The following NAV2 variants were observed in gnomAD, a reference collection of about 807,000 sequenced individuals.
NAV2 encodes neuron navigator 2.
A neutral mutation model predicts 223.2 loss-of-function variants in NAV2; 54 were observed. The ratio of observed to expected loss-of-function variants is 0.24; its 90% CI spans 0.19 to 0.30. NAV2 has a LOEUF of 0.30. NAV2 is among the 10% of genes least tolerant of loss of function. The pLI is 1.00. For missense variants in NAV2, 2,806 were observed against 3,147.5 expected, an observed-to-expected ratio of 0.89 and a Z score of 2.60; for synonymous variants, 1,279 against 1,239.3, an observed-to-expected ratio of 1.03 and a Z score of -0.67.
rs2058863024 is a variant in NAV2 at position 19,812,094 on chromosome 11, G to A, written c.268-20390G>A. ...TTGAAAAAAGGCAATCTCAAGAGCAGACCAGAATTCAGTCCAGCAAGCAAC... is the reference window on the plus strand; with the variant it reads ...TTGAAAAAAGGCAATCTCAAGAGCAAACCAGAATTCAGTCCAGCAAGCAAC... On this transcript the variant is annotated intron_variant, in intron 1 of 37. Coordinates refer to ENST00000349880, the MANE Select transcript of NAV2 (RefSeq NM_145117.5). Among the ~76,000 whole-genome samples the A allele has an allele frequency of 2.0e-5, 3 of 152,118 alleles. 1 individual carries two copies. The South Asian group carries it at 6.2e-4, about 32-fold the overall frequency.
intron 1 of NAV2, among the ~76,000 whole-genome samples, chr11:19,582,007 C>G (rs1034752780): frequency 6.6e-6 from 1 of 152,218 alleles, no homozygotes. Flanking sequence ...CCTATTTCTC[C>G]ACATCCTCTC....
At chr11:19,418,578 T>C (rs1241052801) in intron 1 of NAV2, among the ~76,000 whole-genome samples, 1 of 152,102 alleles carries the variant, frequency 6.6e-6, no homozygotes, top group African/African-American at 2.4e-5. Context: ...TACCAGCATA[T>C]GATGGTAGGA....
At chr11:19,726,295 A>G (rs1010853184) in intron 1 of NAV2, among the ~76,000 whole-genome samples, 1 of 151,736 alleles carries the variant, frequency 6.6e-6, no homozygotes, top group Admixed American at 6.6e-5. Flanking sequence ...TGTAGTTTTC[A>G]CTCCCCTGTC....
At chr11:19,802,022 G>T (rs7943850) in intron 1 of NAV2, among the ~76,000 whole-genome samples, 63 of 152,262 alleles carry the variant, frequency 4.1e-4, no homozygotes, top group African/African-American at 1.1e-3. Context: ...CCAAAGCTTT[G>T]TTCTATGAAG....
chr11:20,044,413 A>C, intron 13 of NAV2, 141 bp downstream of exon 13: 1 of 757,326 alleles, frequency 1.3e-6, no homozygotes, highest in African/African-American at 1.7e-5. Context: ...AAACTTTCAC[A>C]TCCCTACCTT....
intron 10 of NAV2, among the ~76,000 whole-genome samples, chr11:19,949,917 G>T (rs142084279): frequency 1.2e-3 from 177 of 152,300 alleles, no homozygotes; most frequent in Non-Finnish European, 2.0e-3. Context: ...TTCTCTGTGT[G>T]CTCATATATG....
intron 1 of NAV2, among the ~76,000 whole-genome samples, chr11:19,477,192 A>G (rs2042144260): frequency 6.6e-6 from 1 of 152,222 alleles, no homozygotes; most frequent in Admixed American, 6.5e-5. Flanking sequence ...ACAGATAAGC[A>G]TTGATGAGGG....
At chr11:19,545,991 G>T (rs2044487317) in intron 1 of NAV2, among the ~76,000 whole-genome samples, 1 of 152,136 alleles carries the variant, frequency 6.6e-6, no homozygotes, top group Non-Finnish European at 1.5e-5. Context: ...AATGAAAGCA[G>T]AACTGTTCCA....
At chr11:19,360,628 G>T (rs1379375266) in intron 1 of NAV2, among the ~76,000 whole-genome samples, 18 of 152,212 alleles carry the variant, frequency 1.2e-4, no homozygotes, top group Admixed American at 1.2e-3. Context: ...GCGTCACATG[G>T]TATAAAACCT....
At chr11:20,045,853 T>C (rs2057373212) in intron 14 of NAV2, among the ~76,000 whole-genome samples, 183 bp downstream of exon 14, 1 of 152,248 alleles carries the variant, frequency 6.6e-6, no homozygotes, top group African/African-American at 2.4e-5. Context: ...GATGAAAAAC[T>C]TAGGCCTCTG....
At chr11:19,769,970 G>A (rs2055575774) in intron 1 of NAV2, among the ~76,000 whole-genome samples, 1 of 151,686 alleles carries the variant, frequency 6.6e-6, no homozygotes, top group Non-Finnish European at 1.5e-5. Flanking sequence ...AGAATGAAAG[G>A]GCTGATCCCA....
At position 19,468,922 on chromosome 11, in the gene NAV2, G is replaced by T. The variant is rs997983221; in HGVS notation, c.75+117895G>T. 2.0e-5 allele frequency among the ~76,000 whole-genome samples: 3 copies of T among 152,182 alleles called. No homozygotes were observed. In the East Asian group the frequency reaches 5.8e-4, roughly 29 times the overall value. On this transcript the variant is annotated intron_variant, in intron 1 of 37. Transcript: ENST00000360655. Reference sequence around the variant, plus strand: ...TAAGTGAAGATATTCTGGAGACAAAGAACTGAGGTTTGAGTCCCTGTGGAG... The same window carrying T: ...TAAGTGAAGATATTCTGGAGACAAATAACTGAGGTTTGAGTCCCTGTGGAG...
chr11:19,806,296 G>A (rs959688595), intron 1 of NAV2, among the ~76,000 whole-genome samples: 2 of 152,180 alleles, frequency 1.3e-5, no homozygotes, highest in African/African-American at 2.4e-5. Flanking sequence ...CCATCAAAGG[G>A]ATATTACATT....
At chr11:19,894,341 A>G (rs1051802117) in intron 6 of NAV2, among the ~76,000 whole-genome samples, 1 of 152,110 alleles carries the variant, frequency 6.6e-6, no homozygotes, top group Non-Finnish European at 1.5e-5. Flanking sequence ...ACAGGAGGAG[A>G]AAGTTGGGAA....
chr11:19,372,668 C>A (rs1425750813), intron 1 of NAV2, among the ~76,000 whole-genome samples: 1 of 152,114 alleles, frequency 6.6e-6, no homozygotes, highest in Non-Finnish European at 1.5e-5. Context: ...GAAAGGCTGA[C>A]CTCCGCTCCA....
upstream of NAV2, among the ~76,000 whole-genome samples, chr11:19,347,553 T>C (rs2133673993): frequency 6.6e-6 from 1 of 152,284 alleles, no homozygotes; most frequent in South Asian, 2.1e-4. Context: ...AGATCTTCAG[T>C]AAGAGTGGGC....
intron 1 of NAV2, among the ~76,000 whole-genome samples, chr11:19,822,301 T>A (rs548411767): frequency 6.6e-6 from 1 of 152,336 alleles, no homozygotes; most frequent in South Asian, 2.1e-4. Context: ...TGGAACTAAA[T>A]TATCTGACTC....
At chr11:20,043,473 T>A (rs2057139137) in intron 12 of NAV2, among the ~76,000 whole-genome samples, 1 of 152,202 alleles carries the variant, frequency 6.6e-6, no homozygotes, top group Non-Finnish European at 1.5e-5. Context: ...TTTGAGACAG[T>A]CTCGCCCTGT....
intron 1 of NAV2, among the ~76,000 whole-genome samples, chr11:19,592,838 A>G (rs1278751482): frequency 6.6e-6 from 1 of 152,242 alleles, no homozygotes; most frequent in Middle Eastern, 3.2e-3. Context: ...CATTTAAAAC[A>G]TTTTTAAAAA....
Sources: allele counts gnomAD v4.1 joint callset (sites outside exome capture counted in the v4.1 genomes callset), GRCh38; gene constraint gnomAD v4.1.1; transcripts MANE v1.5; gene names NCBI Gene and HGNC (gene_info 2026-07-23, HGNC 2026-07-21).